The following ANO4 variants were observed in gnomAD, a reference collection of about 807,000 sequenced individuals.
ANO4 encodes the protein anoctamin 4, also known as anoctamin-4.
In ANO4, 69 loss-of-function variants were observed where a neutral mutation model predicts 141.9. The observed-to-expected ratio is 0.49, with a 90% CI of 0.40 to 0.59. The LOEUF is 0.59. Among genes scored for constraint, ANO4 ranks in the 20% least tolerant of loss-of-function variants. The pLI is 0.00. For synonymous variants in ANO4, 350 were observed against 394.3 expected, an observed-to-expected ratio of 0.89 and a Z score of 1.33; for missense variants, 894 against 1,162.2, an observed-to-expected ratio of 0.77 and a Z score of 3.36.
At chr12:101,123,470 C>G (rs1017688305) in intron 26 of ANO4, among the ~76,000 whole-genome samples, 2 of 150,636 alleles carry the variant, frequency 1.3e-5, no homozygotes, top group African/African-American at 4.9e-5. Flanking sequence ...TCTCCCTTCC[C>G]CCACCCCCAC....
At chr12:100,744,300 G>A (rs1184110676) in intron 3 of ANO4, among the ~76,000 whole-genome samples, 2 of 152,044 alleles carry the variant, frequency 1.3e-5, no homozygotes, top group African/African-American at 4.8e-5. Flanking sequence ...CAACTGGGTG[G>A]CTTAAACAAC....
chr12:100,855,179 G>T (rs887213834), intron 1 of ANO4, among the ~76,000 whole-genome samples: 4 of 152,060 alleles, frequency 2.6e-5, no homozygotes, highest in African/African-American at 7.2e-5. Context: ...TTTCTTTGTT[G>T]TATTTGCATG....
chr12:101,030,099 G>A (rs2046915292), intron 9 of ANO4, among the ~76,000 whole-genome samples: 1 of 151,986 alleles, frequency 6.6e-6, no homozygotes, highest in Admixed American at 6.6e-5. Flanking sequence ...AGGATATTCA[G>A]GACTTGAACT....
chr12:100,838,732 A>G (rs1485186685), intron 1 of ANO4, among the ~76,000 whole-genome samples: 1 of 152,162 alleles, frequency 6.6e-6, no homozygotes, highest in Non-Finnish European at 1.5e-5. Flanking sequence ...CATGGGAAAA[A>G]TGGGGCAGGT....
intron 5 of ANO4, among the ~76,000 whole-genome samples, chr12:100,957,694 G>T (rs1040033941): frequency 2.0e-5 from 3 of 152,152 alleles, no homozygotes; most frequent in Non-Finnish European, 2.9e-5. Flanking sequence ...AGGTTCAAGC[G>T]ATTCTCACAC....
chr12:100,893,332 T>G (rs537884871), intron 1 of ANO4, among the ~76,000 whole-genome samples: 1 of 151,658 alleles, frequency 6.6e-6, no homozygotes, highest in Admixed American at 6.6e-5. Flanking sequence ...TTATTGGAGG[T>G]GTGTTCATCA....
chr12:101,077,220 T>C (rs1158671789), intron 14 of ANO4, among the ~76,000 whole-genome samples: 1 of 152,232 alleles, frequency 6.6e-6, no homozygotes, highest in Non-Finnish European at 1.5e-5. Flanking sequence ...ACATGTGTTG[T>C]CACAGCTCAT....
At chr12:100,904,625 G>A (rs959469905) in intron 2 of ANO4, among the ~76,000 whole-genome samples, 1 of 152,146 alleles carries the variant, frequency 6.6e-6, no homozygotes, top group Admixed American at 6.5e-5. Context: ...TTGGAGTGGA[G>A]TGAGTGAGGT....
intron 2 of ANO4, among the ~76,000 whole-genome samples, chr12:100,915,029 C>G (rs188493415): frequency 1.3e-5 from 2 of 151,928 alleles, no homozygotes; most frequent in African/African-American, 4.8e-5. Flanking sequence ...CTATATTGCT[C>G]AGGTAGGTCT....
At chr12:100,852,578 A>G (rs2037935175) in intron 1 of ANO4, 1 of 152,364 alleles carries the variant, frequency 6.6e-6, no homozygotes, top group East Asian at 1.9e-4. Context: ...ACTAGGAAAC[A>G]AACCATTTTC....
At chr12:101,055,256 T>C (rs574043046) in intron 14 of ANO4, among the ~76,000 whole-genome samples, 2 of 152,348 alleles carry the variant, frequency 1.3e-5, no homozygotes, top group African/African-American at 2.4e-5. Flanking sequence ...TAAGAAATTG[T>C]TTCCCAAAGT....
At chr12:101,037,583 AAATT>A (rs938622035) in intron 10 of ANO4, among the ~76,000 whole-genome samples, 1 of 152,192 alleles carries the variant, frequency 6.6e-6, no homozygotes, top group Non-Finnish European at 1.5e-5. Flanking sequence ...TGACAAATAA[AAATT>A]AATAATGTTG....
chr12:100,745,018 C>G (rs571416597), intron 3 of ANO4, among the ~76,000 whole-genome samples: 1 of 152,136 alleles, frequency 6.6e-6, no homozygotes, highest in South Asian at 2.1e-4. Flanking sequence ...TTTTCCACCT[C>G]CTCCTGCCCT....
At chr12:100,888,881 A>T (rs886263674) in intron 1 of ANO4, among the ~76,000 whole-genome samples, 1 of 150,718 alleles carries the variant, frequency 6.6e-6, no homozygotes, top group African/African-American at 2.4e-5. Flanking sequence ...TCTTATTTTT[A>T]TTATTATTAT....
chr12:100,876,959 G>T (rs894546770), intron 1 of ANO4, among the ~76,000 whole-genome samples: 2 of 152,132 alleles, frequency 1.3e-5, no homozygotes, highest in African/African-American at 4.8e-5. Flanking sequence ...AAGAAATTTT[G>T]TCATTTGTGA....
At chr12:100,847,673 G>T (rs1002259298) in intron 1 of ANO4, among the ~76,000 whole-genome samples, 1 of 151,962 alleles carries the variant, frequency 6.6e-6, no homozygotes, top group Non-Finnish European at 1.5e-5. Context: ...GGGTTTCACC[G>T]TGTTAGCCAG....
chr12:101,028,772 G>C (rs1428354654), intron 9 of ANO4, among the ~76,000 whole-genome samples: 1 of 152,180 alleles, frequency 6.6e-6, no homozygotes, highest in African/African-American at 2.4e-5. Context: ...ATATTATCCA[G>C]GAGAATTTCC....
At chr12:101,031,284 C>T (rs529847856) in intron 9 of ANO4, among the ~76,000 whole-genome samples, 2 of 152,248 alleles carry the variant, frequency 1.3e-5, no homozygotes, top group African/African-American at 2.4e-5. Flanking sequence ...GTTCAACATA[C>T]ATAAATCAAT....
At chr12:101,090,935 G>A (rs1266162383) in intron 17 of ANO4, among the ~76,000 whole-genome samples, 1 of 152,058 alleles carries the variant, frequency 6.6e-6, no homozygotes, top group Non-Finnish European at 1.5e-5. Flanking sequence ...AAATGAAGAC[G>A]GGAGCATAGG....
Sources: allele counts gnomAD v4.1 joint callset (sites outside exome capture counted in the v4.1 genomes callset), GRCh38; gene constraint gnomAD v4.1.1; transcripts MANE v1.5; gene names NCBI Gene and HGNC (gene_info 2026-07-23, HGNC 2026-07-21).